Variants in TNNT2 observed in about 807,000 individuals in gnomAD.
The protein encoded by TNNT2 is troponin T, cardiac muscle.
In TNNT2, 34 loss-of-function variants were observed where a neutral mutation model predicts 62.4. That is an observed-to-expected ratio of 0.54 (90% CI 0.41 to 0.72). The LOEUF (loss-of-function observed/expected upper bound fraction) is 0.72. TNNT2 is among the 30% of genes least tolerant of loss of function. The pLI is 0.00. For missense variants in TNNT2, 275 were observed against 381.9 expected, an observed-to-expected ratio of 0.72 and a Z score of 2.33; for synonymous variants, 123 against 127.2, an observed-to-expected ratio of 0.97 and a Z score of 0.22.
chr1:201,366,297 G>A, intron 8 of TNNT2: 1 of 1,023,368 alleles, frequency 9.8e-7, no homozygotes, highest in Non-Finnish European at 1.2e-6. Context: ...GTGGGCAGAG[G>A]TGCCATGGGT....
chr1:201,366,685 G>A, intron 8 of TNNT2, 153 bp downstream of exon 8: 1 of 1,566,962 alleles, frequency 6.4e-7, no homozygotes, highest in South Asian at 1.2e-5. Context: ...AGAGACGCTT[G>A]TGCAGTACAC....
chr1:201,370,297 G>T (rs986902507), intron 4 of TNNT2, among the ~76,000 whole-genome samples: 1 of 152,160 alleles, frequency 6.6e-6, no homozygotes, highest in African/African-American at 2.4e-5. Flanking sequence ...CCATGTTCCT[G>T]CTCTGAATGA....
At chr1:201,365,416 TG>T (rs1359383247) in intron 9 of TNNT2, 109 bp from the exon 10 acceptor site, 2 of 1,218,278 alleles carry the variant, frequency 1.6e-6, no homozygotes, top group Non-Finnish European at 2.4e-6. Flanking sequence ...TGGCAGGGCC[TG>T]GCGCCTGGCC....
chr1:201,362,420 G>A, intron 12 of TNNT2, 26 bp from the exon 13 acceptor site: 1 of 1,613,180 alleles, frequency 6.2e-7, no homozygotes, highest in Non-Finnish European at 8.5e-7. Flanking sequence ...ATGAGAGAGA[G>A]GCCCATAGAA....
chr1:201,359,416 C>T (rs548511410), intron 16 of TNNT2, among the ~76,000 whole-genome samples, 161 bp from the exon 17 acceptor site: 13 of 152,100 alleles, frequency 8.5e-5, no homozygotes, highest in East Asian at 5.8e-4. Context: ...GAAGCTTCTC[C>T]GCCCCACATT....
intron 9 of TNNT2, 125 bp from the exon 10 acceptor site, chr1:201,365,432 A>C: frequency 8.4e-7 from 1 of 1,194,546 alleles, no homozygotes; most frequent in South Asian, 1.2e-5. Context: ...CTGGCCAGGG[A>C]AGGGGTAACT....
chr1:201,364,039 A>G, intron 11 of TNNT2: 2 of 478,628 alleles, frequency 4.2e-6, no homozygotes, highest in South Asian at 4.2e-5. Context: ...GGCATGTGCC[A>G]CCACGCCTGG....
intron 4 of TNNT2, 81 bp from the exon 5 acceptor site, chr1:201,369,926 G>A: frequency 1.3e-6 from 2 of 1,506,334 alleles, no homozygotes; most frequent in Non-Finnish European, 1.8e-6. Context: ...GGCAGGAGCA[G>A]CCACCCAGCG....
Position 201,365,172 on chromosome 1 carries a change from G to A in TNNT2, c.411+19C>T. On this transcript the variant is annotated intron_variant, in intron 10 of 16. Coordinates refer to ENST00000656932, the MANE Select transcript of TNNT2 (RefSeq NM_001276345.2). Reference sequence around the variant, plus strand: ...ACTGGGCCATCAGAGAATGTTAGGTGGGCAGACTGGACACCTACGATCCTG... The same window carrying A: ...ACTGGGCCATCAGAGAATGTTAGGTAGGCAGACTGGACACCTACGATCCTG... The A allele has an allele frequency of 6.3e-7, 1 of 1,579,428 alleles. No individual in the cohort carries two copies. The highest frequency in any genetic ancestry group is 8.7e-7 in the Non-Finnish European group (1 of 1,148,432).
At chr1:201,371,917 C>T (rs1571673105) in intron 4 of TNNT2, 110 bp downstream of exon 4, 2 of 1,446,116 alleles carry the variant, frequency 1.4e-6, no homozygotes, top group Non-Finnish European at 9.6e-7. Flanking sequence ...GGATCTTGCT[C>T]AGCTGAGAGT....
intron 1 of TNNT2, 48 bp downstream of exon 1, chr1:201,377,575 C>T (rs912688286): frequency 5.7e-5 from 26 of 456,166 alleles, no homozygotes; most frequent in Admixed American, 3.8e-4. Context: ...CACATCTCCC[C>T]GTCCATTCTC....
At chr1:201,368,130 T>A in intron 6 of TNNT2, 32 bp downstream of exon 6, 1 of 1,612,466 alleles carries the variant, frequency 6.2e-7, no homozygotes, top group Non-Finnish European at 8.5e-7. Flanking sequence ...CGCCACCCCC[T>A]GAGGCCCCTG....
chr1:201,369,398 C>T lies in TNNT2; in HGVS notation c.97+418G>A, dbSNP rs75861653. 8.6e-3 allele frequency: 4,097 copies of T among 475,828 alleles called. 70 individuals are homozygous for T. Among genetic ancestry groups the T allele is most frequent in the Admixed American group, 0.04 (1,705 of 42,668 alleles). The allele number at this position is 475,828 out of a possible 1,614,324, so 29.5% of individuals were successfully genotyped here. Reference sequence around the variant, plus strand: ...CAGAGGACTCTGTCCCCAGACCCCCCAACCAACACCTGGCCACCCTGCTTG... The same window carrying T: ...CAGAGGACTCTGTCCCCAGACCCCCTAACCAACACCTGGCCACCCTGCTTG... On this transcript the variant is annotated intron_variant, in intron 5 of 16. Coordinates refer to ENST00000656932, the MANE Select transcript of TNNT2 (RefSeq NM_001276345.2).
At chr1:201,375,894 C>T (rs187961498) in intron 1 of TNNT2, among the ~76,000 whole-genome samples, 3 of 152,362 alleles carry the variant, frequency 2.0e-5, no homozygotes, top group East Asian at 3.9e-4. Context: ...ACTCCTCTCC[C>T]TGTTCCTGGG....
rs374739479 is a variant in TNNT2, at chr1:201,362,051, G to A, written c.610-29C>T. The A allele has an allele frequency of 2.0e-5, 32 of 1,610,294 alleles. No homozygotes were observed. In the South Asian group the frequency reaches 2.7e-4, roughly 14 times the overall value. ...GAGGGTGTGGGAAGCAGAGTAAACT[G>A]GCCAGATTGCCCCCTCCCTGTCCCC... On this transcript the variant is annotated intron_variant, in intron 13 of 16. Transcript: ENST00000656932.
intron 4 of TNNT2, 94 bp downstream of exon 4, chr1:201,371,933 G>A (rs1660666643): frequency 6.6e-7 from 1 of 1,513,110 alleles, no homozygotes; most frequent in South Asian, 1.1e-5. Flanking sequence ...AGAGTGAGGA[G>A]CAGGGACAGA....
chr1:201,367,939 C>G lies in TNNT2; in HGVS notation c.164-133G>C, dbSNP rs536658014. 1.5e-5 allele frequency: 17 copies of G among 1,126,256 alleles called. No homozygotes were observed. In the Admixed American group the frequency reaches 2.2e-4, roughly 15 times the overall value. 69.8% of individuals were successfully genotyped at this position (1,126,256 alleles called of 1,614,324 possible). A position where few individuals can be genotyped will look rare whatever the true frequency, so the allele number is the denominator to read the frequency against. On this transcript the variant is annotated intron_variant, in intron 6 of 16. Coordinates refer to ENST00000656932, the MANE Select transcript of TNNT2 (RefSeq NM_001276345.2). ...TCTGTTGGTTTTTGGGGTTACAGAG[C>G]TGTCTCTCACACACACATTCCCCTG...
chr1:201,365,255 A>G lies in TNNT2; in HGVS notation c.347T>C (p.Ile116Thr), dbSNP rs1377503416. ...EKDLNELQALIEAHFENRKKE... is the reference protein window; with the variant it reads ...EKDLNELQALTEAHFENRKKE... ...CTTCCTGTTCTCAAAGTGAGCCTCG[A>G]TCAGCGCCTGCAACTCATTCAGGTC... Residue 116 changes from isoleucine (I) to threonine (T), a missense_variant, in exon 10 of 17, where the codon ATC (isoleucine) becomes ACC (threonine). Physicochemically the swap from Ile to Thr is moderately conservative, Grantham distance 89 (BLOSUM62 -1). Transcript: ENST00000656932. The G allele has an allele frequency of 5.0e-6, 8 of 1,614,068 alleles. No individual in the cohort carries two copies. Among genetic ancestry groups the G allele is most frequent in the Non-Finnish European group, 6.8e-6 (8 of 1,180,030 alleles).
intron 13 of TNNT2, 179 bp from the exon 14 acceptor site, chr1:201,362,201 G>A (rs1467882557): frequency 1.6e-6 from 2 of 1,237,138 alleles, no homozygotes; most frequent in South Asian, 1.3e-5. Context: ...CTGAGGTAGG[G>A]GCAAGAAGGA....
Sources: allele counts gnomAD v4.1 joint callset (sites outside exome capture counted in the v4.1 genomes callset), GRCh38; gene constraint gnomAD v4.1.1; transcripts MANE v1.5; gene names NCBI Gene and HGNC (gene_info 2026-07-23, HGNC 2026-07-21).